Variants in CLYBL observed in about 807,000 individuals in gnomAD.
CLYBL encodes the protein citramalyl-CoA lyase, mitochondrial.
In CLYBL, 31 loss-of-function variants were observed where a neutral mutation model predicts 38.9. The ratio of observed to expected loss-of-function variants is 0.80; its 90% CI spans 0.60 to 1.08. CLYBL has a LOEUF of 1.08. Ranked by LOEUF, CLYBL falls within the 50% of genes least tolerant of loss-of-function variation. The pLI is 0.00. For missense variants in CLYBL, 434 were observed against 411.6 expected, an observed-to-expected ratio of 1.05 and a Z score of -0.47; for synonymous variants, 171 against 158.6, an observed-to-expected ratio of 1.08 and a Z score of -0.59.
At chr13:99,795,838 GTTGAACAC>G (rs2050011459) in intron 2 of CLYBL, among the ~76,000 whole-genome samples, 2 of 152,168 alleles carry the variant, frequency 1.3e-5, no homozygotes, top group South Asian at 4.1e-4. Context: ...TGAAACTAAG[GTTGAACAC>G]CAATAGGCAT....
Position 99,744,962 on chromosome 13 carries a change from CCTG to C in CLYBL, c.63-27860_63-27858del, listed in dbSNP as rs541265073. On this transcript the variant is annotated intron_variant, in intron 1 of 8. Transcript: ENST00000339105. ...GATTGTCCATTTGGTGCCATGAAAA[CCTG>C]CAACAACCTTTCAATCTCAAGTGAG... Among the ~76,000 whole-genome samples, 50 of 152,304 alleles carry C rather than the reference CCTG, an allele frequency of 3.3e-4. 1 individual carries two copies. The South Asian group carries it at 9.1e-3, about 28-fold the overall frequency.
intron 1 of CLYBL, among the ~76,000 whole-genome samples, chr13:99,633,628 T>A (rs2046980105): frequency 6.6e-6 from 1 of 151,938 alleles, no homozygotes; most frequent in South Asian, 2.1e-4. Flanking sequence ...GATTGTTTAA[T>A]GCATATGGGG....
intron 5 of CLYBL, 90 bp from the exon 6 acceptor site, chr13:99,866,150 A>T: frequency 3.2e-6 from 4 of 1,264,390 alleles, no homozygotes; most frequent in Non-Finnish European, 4.5e-6. Context: ...GGAGGTTTAG[A>T]TATCTGTACA....
At chr13:99,818,915 A>G (rs2050516152) in intron 2 of CLYBL, among the ~76,000 whole-genome samples, 1 of 152,196 alleles carries the variant, frequency 6.6e-6, no homozygotes, top group Non-Finnish European at 1.5e-5. Flanking sequence ...ATGCACTGTA[A>G]TTGTCTAAAA....
intron 7 of CLYBL, among the ~76,000 whole-genome samples, chr13:99,880,066 A>ATTT (rs1283526295): frequency 3.1e-3 from 191 of 60,740 alleles, no homozygotes; most frequent in Admixed American, 3.8e-3. Flanking sequence ...ATATATATAT[A>ATTT]TATTTTTTTT....
In CLYBL at chr13:99,902,847, CTTAAT is replaced by C. The variant is rs1224756381; in HGVS notation, c.*25-2416_*25-2412del. On this transcript the variant is annotated intron_variant and NMD_transcript_variant, in intron 8 of 9. Transcript: ENST00000689673. ...TTTATGAGGAACTTTAACTGCTGGA[CTTAAT>C]TTAATTATTGTATTTTGTACATACT... Among the ~76,000 whole-genome samples the C allele has an allele frequency of 1.4e-4, 22 of 152,334 alleles. 2 individuals are homozygous for C. The highest frequency in any genetic ancestry group is 1.2e-3 in the Admixed American group (18 of 15,300).
intron 1 of CLYBL, among the ~76,000 whole-genome samples, chr13:99,611,925 C>G (rs1291938158): frequency 6.6e-6 from 1 of 152,182 alleles, no homozygotes; most frequent in Non-Finnish European, 1.5e-5. Context: ...TTTCTTACAG[C>G]TCTACAAAGG....
At position 99,858,887 on chromosome 13, in the gene CLYBL, A is replaced by C. The variant is rs746623430; in HGVS notation, c.276A>C (p.Lys92Asn). 1 of 1,604,644 alleles carries C rather than the reference A, an allele frequency of 6.2e-7. No individual in the cohort carries two copies. Among genetic ancestry groups the C allele is most frequent in the South Asian group, 1.1e-5 (1 of 88,674 alleles). Residue 92 changes from lysine to asparagine, a missense_variant, in exon 3 of 9, where the codon AAA becomes AAC. Physicochemically the swap from Lys to Asn is moderately conservative, Grantham distance 94. Coordinates refer to ENST00000339105, the MANE Select transcript of CLYBL (RefSeq NM_206808.5). ...KKNEARLRIV[K>N]TLEDIDLGPT... ...ATGAAGCTCGACTGAGAATTGTAAAAACTCTTGAAGACATTGATCTGGGCC... is the reference window on the plus strand; with the variant it reads ...ATGAAGCTCGACTGAGAATTGTAAACACTCTTGAAGACATTGATCTGGGCC...
chr13:99,837,088 T>C (rs987346699), intron 2 of CLYBL, among the ~76,000 whole-genome samples: 7 of 151,868 alleles, frequency 4.6e-5, no homozygotes, highest in African/African-American at 9.7e-5. Flanking sequence ...ACTTAATGCA[T>C]ATCATTGTCT....
chr13:99,680,900 C>G (rs149826803), intron 1 of CLYBL, among the ~76,000 whole-genome samples: 1 of 151,404 alleles, frequency 6.6e-6, no homozygotes, highest in Non-Finnish European at 1.5e-5. Flanking sequence ...TGATAAGCGC[C>G]GCATTTTTCA....
At chr13:99,846,286 A>ATTTTT (rs5806139) in intron 2 of CLYBL, among the ~76,000 whole-genome samples, 11 of 108,152 alleles carry the variant, frequency 1.0e-4, no homozygotes, top group Non-Finnish European at 1.5e-4. Context: ...TTGTGTGGAG[A>ATTTTT]TTTTTTTTTT....
In CLYBL at chr13:99,862,889, ATTAC is replaced by A. The variant is rs1207700446; in HGVS notation, c.439-99_439-96del. The A allele has an allele frequency of 8.3e-6, 4 of 481,012 alleles. No individual in the cohort carries two copies. The Admixed American group carries it at 1.2e-4, about 14-fold the overall frequency. 29.8% of individuals were successfully genotyped at this position (481,012 alleles called of 1,614,324 possible). On this transcript the variant is annotated intron_variant, in intron 3 of 8. Coordinates refer to ENST00000339105, the MANE Select transcript of CLYBL (RefSeq NM_206808.5). ...TTGTGTGGACGAAAGAGGCTTGGAT[ATTAC>A]TTCCTCAGGTCAAAGACTTAAATAC...
intron 1 of CLYBL, among the ~76,000 whole-genome samples, chr13:99,614,636 C>T (rs964707226): frequency 1.3e-5 from 2 of 152,216 alleles, no homozygotes; most frequent in Admixed American, 6.5e-5. Context: ...TCACCTTGGC[C>T]TCTGGCTCTG....
chr13:99,802,328 A>G (rs1306589979), intron 2 of CLYBL, among the ~76,000 whole-genome samples: 2 of 152,330 alleles, frequency 1.3e-5, no homozygotes, highest in East Asian at 1.9e-4. Flanking sequence ...TATTTAGTCC[A>G]TAGCAATCTT....
chr13:99,707,682 G>C (rs900883867), intron 1 of CLYBL, among the ~76,000 whole-genome samples: 1 of 152,210 alleles, frequency 6.6e-6, no homozygotes, highest in Non-Finnish European at 1.5e-5. Flanking sequence ...ATGACAGTTA[G>C]TCATGTTGTT....
chr13:99,612,362 G>A (rs574942953), intron 1 of CLYBL, among the ~76,000 whole-genome samples: 1 of 142,976 alleles, frequency 7.0e-6, no homozygotes, highest in Non-Finnish European at 1.5e-5. Context: ...TGGAAATTTA[G>A]ATAATTAATT....
At chr13:99,621,079 G>A (rs2139202708) in intron 1 of CLYBL, among the ~76,000 whole-genome samples, 1 of 152,246 alleles carries the variant, frequency 6.6e-6, no homozygotes, top group South Asian at 2.1e-4. Flanking sequence ...TGACATGCCT[G>A]CACCAGAGGA....
At chr13:99,647,225 T>C (rs2047189966) in intron 1 of CLYBL, among the ~76,000 whole-genome samples, 1 of 152,172 alleles carries the variant, frequency 6.6e-6, no homozygotes, top group Admixed American at 6.5e-5. Context: ...AAAAACTACT[T>C]AGAATTTTGA....
chr13:99,737,585 G>A (rs1330575535), intron 1 of CLYBL, among the ~76,000 whole-genome samples: 3 of 152,182 alleles, frequency 2.0e-5, no homozygotes, highest in South Asian at 4.2e-4. Context: ...TGGCGAGTCT[G>A]GGGACTCATG....
Sources: gnomAD v4.1 joint callset for allele counts (sites outside exome capture counted in the v4.1 genomes callset) on GRCh38, gnomAD v4.1.1 for gene constraint, MANE v1.5 for transcripts, NCBI Gene and HGNC (gene_info 2026-07-23, HGNC 2026-07-21) for gene names.